The following AGMO variants were observed in gnomAD, a reference collection of about 807,000 sequenced individuals.
The protein encoded by AGMO is alkylglycerol monooxygenase, also known as glyceryl-ether monooxygenase.
Under a neutral mutation model 60.2 loss-of-function variants are expected in AGMO, and 75 were observed. The ratio of observed to expected loss-of-function variants is 1.25; its 90% CI spans 1.03 to 1.51. The LOEUF is 1.51. Among genes scored for constraint, AGMO ranks in the 40% most tolerant of loss-of-function variants. The pLI is 0.00. For missense variants in AGMO, 763 were observed against 525.5 expected (o/e 1.45, Z -4.42); for synonymous variants, 261 against 177.1 (o/e 1.47, Z -3.76).
chr7:15,303,417 G>A (rs540996474), intron 12 of AGMO, among the ~76,000 whole-genome samples: 142 of 149,110 alleles, frequency 9.5e-4, no homozygotes, highest in African/African-American at 2.5e-3. Flanking sequence ...CATCAAACAA[G>A]GAAGAGAATG....
intron 3 of AGMO, among the ~76,000 whole-genome samples, chr7:15,449,565 G>A (rs573525696): frequency 6.6e-6 from 1 of 152,230 alleles, no homozygotes; most frequent in African/African-American, 2.4e-5. Context: ...TGCTGCACAG[G>A]TTTGTAGCCT....
intron 12 of AGMO, among the ~76,000 whole-genome samples, chr7:15,309,114 C>T (rs917286324): frequency 6.6e-6 from 1 of 152,128 alleles, no homozygotes; most frequent in African/African-American, 2.4e-5. Context: ...ACTAGTTATT[C>T]ATTAAACACT....
the AGMO span, among the ~76,000 whole-genome samples, chr7:15,144,806 C>A: frequency 6.6e-6 from 1 of 152,012 alleles, no homozygotes; most frequent in Non-Finnish European, 1.5e-5. Flanking sequence ...GAACAAGTGG[C>A]GTAACTTTTC....
chr7:15,407,243 A>G (rs915306903), intron 5 of AGMO, among the ~76,000 whole-genome samples: 10 of 146,850 alleles, frequency 6.8e-5, no homozygotes, highest in Non-Finnish European at 1.1e-4. Context: ...ATATATATAT[A>G]TATATATGTA....
At chr7:15,189,617 C>T in the AGMO span, among the ~76,000 whole-genome samples, 6 of 152,196 alleles carry the variant, frequency 3.9e-5, no homozygotes, top group South Asian at 1.2e-3. Flanking sequence ...CTATCAGCAA[C>T]ATTCACAGCG....
chr7:15,526,337 T>C (rs181407337), intron 3 of AGMO, among the ~76,000 whole-genome samples: 113 of 152,310 alleles, frequency 7.4e-4, no homozygotes, highest in Non-Finnish European at 2.5e-4. Flanking sequence ...CTACATGGCA[T>C]CCTTAACTTA....
chr7:15,161,246 T>A, the AGMO span, among the ~76,000 whole-genome samples: 1 of 152,138 alleles, frequency 6.6e-6, no homozygotes, highest in Admixed American at 6.6e-5. Flanking sequence ...TGAAGCCAAT[T>A]ACCTTCCATA....
chr7:15,363,414 C>T (rs1056150968), intron 12 of AGMO, among the ~76,000 whole-genome samples: 6 of 152,100 alleles, frequency 3.9e-5, no homozygotes, highest in Non-Finnish European at 7.4e-5. Context: ...TACACATATT[C>T]TCTTATTTAA....
the AGMO span, among the ~76,000 whole-genome samples, chr7:15,126,048 G>A: frequency 6.6e-6 from 1 of 152,068 alleles, no homozygotes; most frequent in Non-Finnish European, 1.5e-5. Context: ...ATTTGGTGAA[G>A]TACCACAGTC....
Position 15,323,344 on chromosome 7 carries a change from G to C in AGMO, c.1263+42170C>G, listed in dbSNP as rs571995256. On this transcript the variant is annotated intron_variant, in intron 12 of 12. Coordinates refer to ENST00000342526, the MANE Select transcript of AGMO (RefSeq NM_001004320.2). ...TATTGTTTATTTTTGTTAATACATTGATATAAAAGAATTGGAAGAAGTCAG... is the reference window on the plus strand; with the variant it reads ...TATTGTTTATTTTTGTTAATACATTCATATAAAAGAATTGGAAGAAGTCAG... 2.6e-5 allele frequency among the ~76,000 whole-genome samples: 4 copies of C among 152,000 alleles called. No homozygotes were observed. In the South Asian group the frequency reaches 8.3e-4, roughly 32 times the overall value.
the AGMO span, among the ~76,000 whole-genome samples, chr7:15,180,751 C>G: frequency 6.6e-6 from 1 of 152,182 alleles, no homozygotes; most frequent in African/African-American, 2.4e-5. Context: ...AGCAGCCCTA[C>G]TTCTCAGTAT....
chr7:15,358,354 A>G (rs541746328), intron 12 of AGMO: 2 of 457,382 alleles, frequency 4.4e-6, no homozygotes, highest in Non-Finnish European at 9.0e-6. Flanking sequence ...TGCTTTTTCA[A>G]AAGAGCTGCC....
intron 12 of AGMO, among the ~76,000 whole-genome samples, chr7:15,276,136 CTTATG>C (rs1461579604): frequency 6.6e-6 from 1 of 152,118 alleles, no homozygotes; most frequent in Non-Finnish European, 1.5e-5. Flanking sequence ...GAGCTTTGAA[CTTATG>C]TAATGTCTTT....
chr7:15,207,576 C>A (rs1296432645), intron 12 of AGMO, among the ~76,000 whole-genome samples: 1 of 152,146 alleles, frequency 6.6e-6, no homozygotes, highest in Non-Finnish European at 1.5e-5. Context: ...TCAATTTTTA[C>A]CAGCTTAGAT....
At chr7:15,158,700 G>T in the AGMO span, among the ~76,000 whole-genome samples, 1 of 152,094 alleles carries the variant, frequency 6.6e-6, no homozygotes, top group African/African-American at 2.4e-5. Context: ...TCAGTCTGTT[G>T]TGCTTATAAA....
At chr7:15,171,015 A>G in the AGMO span, among the ~76,000 whole-genome samples, 130,627 of 152,068 alleles carry the variant, frequency 0.86, 56,356 homozygotes, top group East Asian at 1. Flanking sequence ...TCGCTCTGTC[A>G]CACAGGCTGG....
chr7:15,194,653 T>C, the AGMO span, among the ~76,000 whole-genome samples: 2 of 152,204 alleles, frequency 1.3e-5, no homozygotes, highest in African/African-American at 4.8e-5. Flanking sequence ...AAATTATATG[T>C]TTAGCATAAG....
the AGMO span, among the ~76,000 whole-genome samples, chr7:15,145,845 A>G: frequency 1.3e-5 from 2 of 152,288 alleles, no homozygotes; most frequent in South Asian, 4.2e-4. Flanking sequence ...TCCAAAGCAG[A>G]GCAAATTAGA....
chr7:15,387,651 G>C (rs960365003), intron 8 of AGMO, 111 bp from the exon 9 acceptor site: 1 of 561,732 alleles, frequency 1.8e-6, no homozygotes, highest in Non-Finnish European at 2.6e-6. Context: ...TATTTAAAAC[G>C]TTATGCCTGA....
Sources: gnomAD v4.1 joint callset for allele counts (sites outside exome capture counted in the v4.1 genomes callset) on GRCh38, gnomAD v4.1.1 for gene constraint, MANE v1.5 for transcripts, NCBI Gene and HGNC (gene_info 2026-07-23, HGNC 2026-07-21) for gene names.